UTRN: variants seen among roughly 807,000 people sequenced by gnomAD.
UTRN encodes the protein utrophin.
In UTRN, 283 loss-of-function variants were observed where a neutral mutation model predicts 463.9. The ratio of observed to expected loss-of-function variants is 0.61; its 90% confidence interval spans 0.55 to 0.67. The LOEUF is 0.67. Among genes scored for constraint, UTRN ranks in the 30% least tolerant of loss-of-function variants. The pLI is 0.00. For synonymous variants in UTRN, 1,442 were observed against 1,431.5 expected (o/e 1.01, Z -0.17); for missense variants, 3,922 against 4,084.3 (o/e 0.96, Z 1.08).
intron 53 of UTRN, among the ~76,000 whole-genome samples, chr6:144,702,475 G>A (rs1021683404): frequency 6.6e-6 from 1 of 152,206 alleles, no homozygotes; most frequent in African/African-American, 2.4e-5. Flanking sequence ...ACTCAATAAT[G>A]AACAAAACCA....
At chr6:144,340,561 T>C (rs1584348950) in intron 2 of UTRN, among the ~76,000 whole-genome samples, 1 of 152,176 alleles carries the variant, frequency 6.6e-6, no homozygotes, top group East Asian at 1.9e-4. Context: ...TGTAATTCTC[T>C]CTCCACTCCA....
intron 53 of UTRN, chr6:144,708,251 G>A (rs1785292194): frequency 1.6e-6 from 1 of 639,318 alleles, no homozygotes; most frequent in Admixed American, 2.1e-5. Flanking sequence ...TTCTGCGATT[G>A]CTTCAATACT....
At chr6:144,646,165 G>C (rs1778280738) in intron 51 of UTRN, among the ~76,000 whole-genome samples, 1 of 152,096 alleles carries the variant, frequency 6.6e-6, no homozygotes. Context: ...AAAATTAGTG[G>C]TTACAGTGTC....
chr6:144,531,127 G>T lies in UTRN; in HGVS notation c.5982G>T (p.Glu1994Asp). 1 of 1,614,056 alleles carries T rather than the reference G, an allele frequency of 6.2e-7. No homozygotes were observed. ...DLNDLTQWIT[E>D]AEELLVDTCA... ...ATGACCTCACACAGTGGATAACAGA[G>T]GCTGAAGAATTACTGGTTGATACCT... Residue 1994 changes from glutamate to aspartate, a missense_variant, in exon 42 of 75, where the codon GAG becomes GAT. Physicochemically the swap from Glu to Asp is conservative, Grantham distance 45. Transcript: ENST00000367545.
At chr6:144,366,532 A>G (rs1284304655) in intron 2 of UTRN, among the ~76,000 whole-genome samples, 1 of 152,242 alleles carries the variant, frequency 6.6e-6, no homozygotes, top group East Asian at 1.9e-4. Flanking sequence ...TAGCTTGCTA[A>G]GGATGATGGC....
chr6:144,783,142 G>A (rs1276786064), intron 61 of UTRN, among the ~76,000 whole-genome samples: 6 of 151,628 alleles, frequency 4.0e-5, no homozygotes, highest in Non-Finnish European at 5.9e-5. Context: ...GTTGCAGTGA[G>A]CTGAGATCGT....
chr6:144,773,233 A>G (rs6921695), intron 59 of UTRN, among the ~76,000 whole-genome samples: 2 of 152,234 alleles, frequency 1.3e-5, no homozygotes, highest in African/African-American at 4.8e-5. Context: ...AACCAAATCA[A>G]TCAGGATGGG....
intron 2 of UTRN, among the ~76,000 whole-genome samples, chr6:144,390,155 C>T (rs1379832759): frequency 1.3e-5 from 2 of 152,114 alleles, no homozygotes; most frequent in Admixed American, 1.3e-4. Flanking sequence ...AATTTTGTCT[C>T]TTAAGAGCCA....
chr6:144,362,967 GTAT>G (rs1303323726), intron 2 of UTRN, among the ~76,000 whole-genome samples: 5 of 152,078 alleles, frequency 3.3e-5, no homozygotes, highest in African/African-American at 1.2e-4. Flanking sequence ...CTTAGGTTTT[GTAT>G]TATGTGGGTT....
chr6:144,520,713 G>A (rs531002727), intron 39 of UTRN, among the ~76,000 whole-genome samples: 2 of 152,256 alleles, frequency 1.3e-5, no homozygotes, highest in African/African-American at 4.8e-5. Flanking sequence ...TTAGAGATTG[G>A]ATTGTAACCA....
chr6:144,424,478 G>A (rs938243049), intron 6 of UTRN, among the ~76,000 whole-genome samples: 3 of 151,766 alleles, frequency 2.0e-5, no homozygotes, highest in Non-Finnish European at 2.9e-5. Flanking sequence ...TCTAACTAGT[G>A]ACATCTGCAA....
In UTRN at chr6:144,482,304, G is replaced by A. The variant is rs780041692; in HGVS notation, c.3603G>A (p.Gln1201=). Residue 1201 remains glutamine (Q), a synonymous_variant, in exon 27 of 75, where the codon CAG becomes CAA. Transcript: ENST00000367545. The part of the protein sequence containing the change: ...LLAAKVPSGG[Q]ELTSELNVVL... ...CTGCCAAGGTGCCCTCTGGTGGCCA[G>A]GAGTTGACGTCTGAGCTGAATGTTG... 2 of 1,609,180 alleles carry A rather than the reference G, an allele frequency of 1.2e-6. No homozygotes were observed. Among genetic ancestry groups the A allele is most frequent in the Non-Finnish European group, 8.5e-7 (1 of 1,178,852 alleles).
intron 3 of UTRN, among the ~76,000 whole-genome samples, chr6:144,406,166 C>G (rs527667856): frequency 9.3e-4 from 141 of 152,156 alleles, no homozygotes; most frequent in Non-Finnish European, 1.6e-3. Context: ...TAACAGCTTA[C>G]TGGGTCCCTC....
At chr6:144,842,570 CAGAG>C (rs954029613) in intron 73 of UTRN, among the ~76,000 whole-genome samples, 2 of 152,128 alleles carry the variant, frequency 1.3e-5, no homozygotes, top group African/African-American at 2.4e-5. Flanking sequence ...GCCTGGGCAA[CAGAG>C]ACTCTATCTC....
rs755144920 is a variant in UTRN, at chr6:144,458,762, C to A, written c.2285-8C>A. The A allele has an allele frequency of 3.2e-6, 5 of 1,574,164 alleles. No homozygotes were observed. Among genetic ancestry groups the A allele is most frequent in the East Asian group, 2.2e-5 (1 of 44,742 alleles). ...TAGACTGTTTGCTTGTTTTTCATGT[C>A]TGCATAGAAGGCCTTCCTACTGAAG... On this transcript the variant is annotated splice_region_variant and splice_polypyrimidine_tract_variant and intron_variant, in intron 19 of 74. Coordinates refer to ENST00000367545, the MANE Select transcript of UTRN (RefSeq NM_007124.3).
intron 35 of UTRN, among the ~76,000 whole-genome samples, chr6:144,512,819 C>T (rs1031845571): frequency 6.6e-6 from 1 of 152,090 alleles, no homozygotes. Context: ...GGATTACAGG[C>T]GTGAGCCACC....
intron 3 of UTRN, among the ~76,000 whole-genome samples, chr6:144,419,167 G>A (rs1462581660): frequency 1.3e-5 from 2 of 152,336 alleles, no homozygotes; most frequent in East Asian, 3.9e-4. Flanking sequence ...TACTGACAGT[G>A]GGTAGCAAGT....
At chr6:144,480,718 CAAAGGAGATGGT>C (rs929509823) in intron 26 of UTRN, among the ~76,000 whole-genome samples, 2 of 152,068 alleles carry the variant, frequency 1.3e-5, no homozygotes, top group African/African-American at 4.8e-5. Context: ...ATGTTCAAGC[CAAAGGAGATGGT>C]GTTTTCAAAG....
Position 144,447,324 on chromosome 6 carries a change from T to G in UTRN, c.1722+6T>G. 2 of 1,611,398 alleles carry G rather than the reference T, an allele frequency of 1.2e-6. No homozygotes were observed. The highest frequency in any genetic ancestry group is 1.7e-4 in the Middle Eastern group (1 of 6,052). On this transcript the variant is annotated splice_donor_region_variant and intron_variant, in intron 15 of 74. Transcript: ENST00000367545. ...TCAGTGTTCGACGTCTGGCTGTAAG[T>G]GATGGGGTTGTCAGCATCTGTGTTG...
Sources: allele counts gnomAD v4.1 joint callset (sites outside exome capture counted in the v4.1 genomes callset), GRCh38; gene constraint gnomAD v4.1.1; transcripts MANE v1.5; gene names NCBI Gene and HGNC (gene_info 2026-07-23, HGNC 2026-07-21).